The following TRERF1 variants were observed in gnomAD, a reference collection of about 807,000 sequenced individuals.
TRERF1 encodes transcriptional-regulating factor 1.
A neutral mutation model predicts 122.9 loss-of-function variants in TRERF1; 27 were observed. The ratio of observed to expected loss-of-function variants is 0.22; its 90% CI spans 0.16 to 0.30. TRERF1 has a LOEUF of 0.30. TRERF1 is among the 10% of genes least tolerant of loss of function. The pLI, the probability that TRERF1 is intolerant of heterozygous loss-of-function variation, is 1.00. For missense variants in TRERF1, 1,248 were observed against 1,560.3 expected, an observed-to-expected ratio of 0.80 and a Z score of 3.37; for synonymous variants, 636 against 641.7, an observed-to-expected ratio of 0.99 and a Z score of 0.13.
In TRERF1 at chr6:42,281,822, C is replaced by T. The variant is rs559516374; in HGVS notation, c.-258-11974G>A. On this transcript the variant is annotated intron_variant, in intron 4 of 17. Coordinates refer to ENST00000372922, the Ensembl canonical transcript of TRERF1. ...GCAACGATGGCTAACGTGCATTGGG[C>T]GCTAACCCCAGGCTAGGCACAGTGC... is the stretch of plus-strand genomic sequence containing the variant. 6.6e-5 allele frequency among the ~76,000 whole-genome samples: 10 copies of T among 152,320 alleles called. 1 individual carries two copies. Among genetic ancestry groups the T allele is most frequent in the African/African-American group, 1.7e-4 (7 of 41,572 alleles).
At chr6:42,353,380 A>C (rs1769857723) in intron 3 of TRERF1, among the ~76,000 whole-genome samples, 1 of 152,026 alleles carries the variant, frequency 6.6e-6, no homozygotes, top group South Asian at 2.1e-4. Flanking sequence ...TGAGGACAGG[A>C]GTTTGAGACC....
At chr6:42,392,833 A>G (rs904278935) in intron 2 of TRERF1, among the ~76,000 whole-genome samples, 1 of 152,158 alleles carries the variant, frequency 6.6e-6, no homozygotes, top group African/African-American at 2.4e-5. Flanking sequence ...TCAAGACAAC[A>G]TATGTCAAAT....
chr6:42,408,213 A>G, intron 2 of TRERF1, among the ~76,000 whole-genome samples: 1 of 114,770 alleles, frequency 8.7e-6, no homozygotes, highest in Non-Finnish European at 1.7e-5. Context: ...ATAAATAAAT[A>G]TATATATATA....
chr6:42,401,645 G>A (rs1779403898), intron 2 of TRERF1, among the ~76,000 whole-genome samples: 1 of 152,150 alleles, frequency 6.6e-6, no homozygotes, highest in Non-Finnish European at 1.5e-5. Flanking sequence ...CTAGCTCCCA[G>A]TTTGGTGCCA....
intron 2 of TRERF1, among the ~76,000 whole-genome samples, chr6:42,363,569 T>C (rs1772179724): frequency 6.6e-6 from 1 of 152,142 alleles, no homozygotes; most frequent in Admixed American, 6.5e-5. Context: ...AAGATTCCTA[T>C]GTTGACATCC....
intron 2 of TRERF1, among the ~76,000 whole-genome samples, chr6:42,384,442 CA>C (rs1216662371): frequency 2.6e-5 from 4 of 152,146 alleles, no homozygotes; most frequent in Admixed American, 2.6e-4. Flanking sequence ...AGTACATATT[CA>C]TATACACATT....
chr6:42,238,117 C>T (rs1293523349), intron 15 of TRERF1, among the ~76,000 whole-genome samples: 2 of 151,842 alleles, frequency 1.3e-5, no homozygotes, highest in African/African-American at 4.9e-5. Flanking sequence ...CATCTTTCCA[C>T]CCCAAAGAGT....
intron 2 of TRERF1, among the ~76,000 whole-genome samples, chr6:42,372,260 AT>A (rs1773903662): frequency 6.6e-6 from 1 of 152,148 alleles, no homozygotes; most frequent in East Asian, 1.9e-4. Context: ...TCTGTTCTTC[AT>A]TTGCCTTAAA....
intron 3 of TRERF1, among the ~76,000 whole-genome samples, chr6:42,327,537 A>T (rs1160498543): frequency 6.6e-6 from 1 of 151,908 alleles, no homozygotes; most frequent in Non-Finnish European, 1.5e-5. Context: ...TGAATAGATA[A>T]CTCCGAGTGC....
chr6:42,329,672 A>T (rs1764904611), intron 3 of TRERF1, among the ~76,000 whole-genome samples: 1 of 152,118 alleles, frequency 6.6e-6, no homozygotes, highest in Non-Finnish European at 1.5e-5. Context: ...CACAGGAAAA[A>T]GACCGAGACA....
intron 4 of TRERF1, among the ~76,000 whole-genome samples, chr6:42,280,815 G>C (rs1410558557): frequency 1.3e-5 from 2 of 152,198 alleles, no homozygotes; most frequent in African/African-American, 4.8e-5. Context: ...AAGTCCATGG[G>C]AGCTGCAGAG....
chr6:42,419,944 G>A (rs1782521818), intron 2 of TRERF1, among the ~76,000 whole-genome samples: 2 of 152,176 alleles, frequency 1.3e-5, no homozygotes, highest in African/African-American at 4.8e-5. Flanking sequence ...GCCAAGCAGA[G>A]GTTCTTTCCA....
chr6:42,366,433 T>A (rs1467395066), intron 2 of TRERF1, among the ~76,000 whole-genome samples: 1 of 152,204 alleles, frequency 6.6e-6, no homozygotes, highest in Non-Finnish European at 1.5e-5. Flanking sequence ...GCATACCTAT[T>A]CTTCCTGTGC....
intron 3 of TRERF1, among the ~76,000 whole-genome samples, chr6:42,337,767 A>G (rs972101074): frequency 7.2e-5 from 11 of 152,206 alleles, no homozygotes; most frequent in Non-Finnish European, 1.3e-4. Context: ...CCGCAGATCA[A>G]TGGTTCTCAA....
intron 4 of TRERF1, among the ~76,000 whole-genome samples, chr6:42,282,001 T>A (rs1782388257): frequency 6.6e-6 from 1 of 152,224 alleles, no homozygotes; most frequent in African/African-American, 2.4e-5. Context: ...TTAGGATACA[T>A]ACCCAGGAGT....
intron 2 of TRERF1, among the ~76,000 whole-genome samples, chr6:42,437,003 CCA>C (rs1320721984): frequency 2.2e-4 from 34 of 151,968 alleles, no homozygotes; most frequent in African/African-American, 6.8e-4. Flanking sequence ...TGAGCCTGAT[CCA>C]GAGACTGCAG....
chr6:42,426,498 G>T (rs1187888487), intron 2 of TRERF1, among the ~76,000 whole-genome samples: 1 of 152,200 alleles, frequency 6.6e-6, no homozygotes, highest in Non-Finnish European at 1.5e-5. Context: ...TCAACTATTT[G>T]TAACAGGTCT....
chr6:42,405,800 AAAAAAAATT>A (rs761509994), intron 2 of TRERF1, among the ~76,000 whole-genome samples: 3 of 150,960 alleles, frequency 2.0e-5, no homozygotes, highest in Non-Finnish European at 3.0e-5. Flanking sequence ...GTCTCAAAAA[AAAAAAAATT>A]AAAAAAATTA....
chr6:42,421,556 C>T (rs1315733270), intron 2 of TRERF1, among the ~76,000 whole-genome samples: 1 of 150,662 alleles, frequency 6.6e-6, no homozygotes, highest in East Asian at 2.0e-4. Flanking sequence ...GGCGGATTGC[C>T]TGAACTCAGG....
Sources: allele counts gnomAD v4.1 joint callset (sites outside exome capture counted in the v4.1 genomes callset), GRCh38; gene constraint gnomAD v4.1.1; transcripts MANE v1.5; gene names NCBI Gene and HGNC (gene_info 2026-07-23, HGNC 2026-07-21).